RANBP2: variants seen among roughly 807,000 people sequenced by gnomAD.
RANBP2 encodes E3 SUMO-protein ligase RanBP2.
A neutral mutation model predicts 303.6 loss-of-function variants in RANBP2; 57 were observed. The observed-to-expected ratio is 0.19, with a 90% confidence interval of 0.15 to 0.23. The LOEUF (loss-of-function observed/expected upper bound fraction) is 0.23. Among genes scored for constraint, RANBP2 ranks in the 10% least tolerant of loss-of-function variants. RANBP2 has a pLI of 1.00. For synonymous variants in RANBP2, 1,167 were observed against 1,301.5 expected, an observed-to-expected ratio of 0.90 and a Z score of 2.23; for missense variants, 3,138 against 3,780.8, an observed-to-expected ratio of 0.83 and a Z score of 4.46.
chr2:109,022,976 G>A, the RANBP2 span, among the ~76,000 whole-genome samples: 6,337 of 152,152 alleles, frequency 0.042, 208 homozygotes, highest in Non-Finnish European at 0.063. Context: ...ACTTGAACCT[G>A]GGAGGTGGAG....
At chr2:109,591,726 C>T in the RANBP2 span, among the ~76,000 whole-genome samples, 5 of 151,982 alleles carry the variant, frequency 3.3e-5, no homozygotes, top group South Asian at 8.4e-4. Flanking sequence ...AGCAAAACCC[C>T]GTCTCTAGTA....
At chr2:109,280,507 G>A in the RANBP2 span, among the ~76,000 whole-genome samples, 1 of 152,166 alleles carries the variant, frequency 6.6e-6, no homozygotes, top group Non-Finnish European at 1.5e-5. Context: ...CCAGACTGGG[G>A]CTCCACTGGG....
the RANBP2 span, chr2:108,839,305 A>G: frequency 6.2e-7 from 1 of 1,606,622 alleles, no homozygotes; most frequent in Non-Finnish European, 8.5e-7. Context: ...AGCACAGGTA[A>G]TTGGTTAATA....
chr2:108,743,280 T>C (rs1034720654), intron 7 of RANBP2, among the ~76,000 whole-genome samples: 5 of 152,122 alleles, frequency 3.3e-5, no homozygotes, highest in African/African-American at 7.2e-5. Context: ...TTTTTTGATA[T>C]GTAGTTTTGG....
the RANBP2 span, among the ~76,000 whole-genome samples, chr2:109,472,661 G>C: frequency 1.3e-5 from 2 of 152,178 alleles, no homozygotes; most frequent in Admixed American, 1.3e-4. Context: ...CTAAATAATA[G>C]TGTGTTTAAT....
the RANBP2 span, among the ~76,000 whole-genome samples, chr2:109,287,306 C>G: frequency 6.6e-6 from 1 of 152,064 alleles, no homozygotes; most frequent in Admixed American, 6.6e-5. Flanking sequence ...TTCCTGATGC[C>G]CTGGTGGAGA....
chr2:108,912,887 G>T, the RANBP2 span: 1 of 773,770 alleles, frequency 1.3e-6, no homozygotes, highest in African/African-American at 1.7e-5. Context: ...TGGCTGAGGG[G>T]AGCTAAATAT....
chr2:108,907,540 T>C, the RANBP2 span, among the ~76,000 whole-genome samples: 1 of 151,762 alleles, frequency 6.6e-6, no homozygotes, highest in Non-Finnish European at 1.5e-5. Context: ...CCTAGCTACT[T>C]GGGAGGCTGA....
chr2:109,622,302 C>A, the RANBP2 span, among the ~76,000 whole-genome samples: 24 of 152,300 alleles, frequency 1.6e-4, no homozygotes, highest in East Asian at 4.4e-3. Flanking sequence ...TTGTGGGAAG[C>A]CCTAGTGGTA....
the RANBP2 span, among the ~76,000 whole-genome samples, chr2:109,266,113 G>A: frequency 1.3e-5 from 2 of 151,288 alleles, no homozygotes; most frequent in African/African-American, 2.4e-5. Context: ...TGTGTTGTGT[G>A]TATGTGTATT....
the RANBP2 span, chr2:109,594,693 G>T: frequency 2.6e-5 from 4 of 152,242 alleles, no homozygotes; most frequent in African/African-American, 9.6e-5. Context: ...ACCTCACCGT[G>T]ATCCTCTGTG....
At chr2:109,518,773 G>A in the RANBP2 span, among the ~76,000 whole-genome samples, 1 of 152,022 alleles carries the variant, frequency 6.6e-6, no homozygotes, top group African/African-American at 2.4e-5. Flanking sequence ...GGGTTTATTT[G>A]GCTCACAGTT....
chr2:109,572,291 C>T, the RANBP2 span, among the ~76,000 whole-genome samples: 2 of 152,204 alleles, frequency 1.3e-5, no homozygotes, highest in African/African-American at 2.4e-5. Flanking sequence ...CCACGACGCC[C>T]GGCTGAATTT....
chr2:109,207,037 G>A, the RANBP2 span, among the ~76,000 whole-genome samples: 343 of 152,282 alleles, frequency 2.3e-3, 3 homozygotes, highest in Non-Finnish European at 3.1e-3. Flanking sequence ...AGGGCCTGAG[G>A]CAGAACCTGA....
intron 1 of RANBP2, among the ~76,000 whole-genome samples, chr2:108,721,861 C>T (rs1183657186): frequency 1.3e-5 from 2 of 152,062 alleles, no homozygotes; most frequent in African/African-American, 2.4e-5. Flanking sequence ...CCCACCTTAG[C>T]CTCCTGGGTA....
chr2:109,337,894 A>G, the RANBP2 span, among the ~76,000 whole-genome samples: 1 of 151,514 alleles, frequency 6.6e-6, no homozygotes, highest in African/African-American at 2.4e-5. Context: ...CGCCTGGCTA[A>G]TTTTTGTATT....
the RANBP2 span, among the ~76,000 whole-genome samples, chr2:109,658,783 T>C: frequency 2.0e-5 from 3 of 151,288 alleles, no homozygotes; most frequent in Non-Finnish European, 4.4e-5. Context: ...AAACAAAAAA[T>C]TGGCCAGGCA....
At chr2:108,734,095 G>T (rs1695381942) in intron 4 of RANBP2, among the ~76,000 whole-genome samples, 2 of 152,052 alleles carry the variant, frequency 1.3e-5, no homozygotes, top group Non-Finnish European at 1.5e-5. Context: ...ATAGGGAGAG[G>T]CCAGGGTTTC....
the RANBP2 span, among the ~76,000 whole-genome samples, chr2:109,621,256 G>T: frequency 6.6e-6 from 1 of 152,076 alleles, no homozygotes; most frequent in African/African-American, 2.4e-5. Flanking sequence ...CGGTTCAAGC[G>T]ATTTCCCTGC....
Sources: allele counts gnomAD v4.1 joint callset (sites outside exome capture counted in the v4.1 genomes callset), GRCh38; gene constraint gnomAD v4.1.1; transcripts MANE v1.5; gene names NCBI Gene and HGNC (gene_info 2026-07-23, HGNC 2026-07-21).